INPP5A: variants seen among roughly 807,000 people sequenced by gnomAD.
INPP5A encodes the protein inositol polyphosphate-5-phosphatase A, also known as 43 kDa inositol polyphosphate 5-phophatase.
In INPP5A, 14 loss-of-function variants were observed where a neutral mutation model predicts 65.2. That is an observed-to-expected ratio of 0.21 (90% CI 0.14 to 0.34). INPP5A has a LOEUF of 0.34. INPP5A is among the 10% of genes least tolerant of loss of function. INPP5A has a pLI of 1.00. For synonymous variants in INPP5A, 207 were observed against 208.3 expected (o/e 0.99, Z 0.05); for missense variants, 431 against 545.6 (o/e 0.79, Z 2.09).
intron 1 of INPP5A, among the ~76,000 whole-genome samples, chr10:132,593,279 CG>C (rs2071642435): frequency 6.6e-6 from 1 of 152,118 alleles, no homozygotes; most frequent in South Asian, 2.1e-4. Context: ...GCACTGAGGA[CG>C]GGGATTACAC....
chr10:132,608,091 T>G, intron 2 of INPP5A, 135 bp downstream of exon 2: 1 of 772,166 alleles, frequency 1.3e-6, no homozygotes, highest in South Asian at 1.5e-5. Context: ...GTCTCTCGGC[T>G]CCGCTGCCTG....
At chr10:132,572,600 C>A (rs945916123) in intron 1 of INPP5A, among the ~76,000 whole-genome samples, 1 of 152,146 alleles carries the variant, frequency 6.6e-6, no homozygotes, top group Non-Finnish European at 1.5e-5. Flanking sequence ...TGCTCTTTTT[C>A]ATGTGTCTAG....
Position 132,547,369 on chromosome 10 carries a change from C to T in INPP5A, c.75+9198C>T, listed in dbSNP as rs779488030. Among the ~76,000 whole-genome samples, 9 of 152,192 alleles carry T rather than the reference C, an allele frequency of 5.9e-5. No individual in the cohort carries two copies. The highest frequency in any genetic ancestry group is 4.1e-4 in the South Asian group (2 of 4,824). ...TCCTCTTCCTGGCGTCAGGTGTTCT[C>T]GGCGGCCTCTCGGTAACAGCCTGGC... On this transcript the variant is annotated intron_variant, in intron 1 of 15. Transcript: ENST00000368594. This position sits in a 1 kb window ranked among gnomAD's most constrained non-coding sequence, Gnocchi z 5.5.
intron 12 of INPP5A, among the ~76,000 whole-genome samples, 193 bp downstream of exon 12, chr10:132,766,039 T>A (rs1846836455): frequency 6.6e-6 from 1 of 152,216 alleles, no homozygotes; most frequent in Admixed American, 6.5e-5. Context: ...TGTGCACAGG[T>A]GCGTCTGTGT....
intron 4 of INPP5A, among the ~76,000 whole-genome samples, chr10:132,652,463 C>G (rs1168967818): frequency 6.6e-6 from 1 of 152,238 alleles, no homozygotes; most frequent in African/African-American, 2.4e-5. Flanking sequence ...GATCCAAATA[C>G]TGCAACAAGC....
intron 4 of INPP5A, among the ~76,000 whole-genome samples, chr10:132,655,627 A>G (rs1168588143): frequency 6.6e-6 from 1 of 152,184 alleles, no homozygotes; most frequent in Non-Finnish European, 1.5e-5. Context: ...ATTTTCGTTT[A>G]ACGTCACCCG....
intron 11 of INPP5A, among the ~76,000 whole-genome samples, chr10:132,751,508 CTG>C (rs1250245286): frequency 9.2e-5 from 14 of 152,270 alleles, no homozygotes; most frequent in African/African-American, 3.4e-4. Context: ...CTGCGGGACT[CTG>C]GGCTCCAGGA....
chr10:132,776,867 T>C (rs1212369916), intron 12 of INPP5A, among the ~76,000 whole-genome samples: 1 of 151,812 alleles, frequency 6.6e-6, no homozygotes, highest in East Asian at 1.9e-4. Flanking sequence ...GGGGGAGTGA[T>C]CAGTCCGTGT....
chr10:132,690,545 G>A (rs550397523), intron 5 of INPP5A, 90 bp downstream of exon 5: 35 of 948,116 alleles, frequency 3.7e-5, no homozygotes, highest in Non-Finnish European at 5.1e-5. Context: ...CCCTGTCTCT[G>A]TGAGTGGCCA....
chr10:132,652,690 A>G (rs2072593119), intron 4 of INPP5A, among the ~76,000 whole-genome samples: 1 of 152,200 alleles, frequency 6.6e-6, no homozygotes, highest in South Asian at 2.1e-4. Context: ...TCCTTTAGAT[A>G]TAAAGACACA....
rs567269939 is a variant in INPP5A, at chr10:132,781,203, TA to T, written c.1158+293del. Among the ~76,000 whole-genome samples, 16 of 152,304 alleles carry T rather than the reference TA, an allele frequency of 1.1e-4. 1 individual carries two copies. Among genetic ancestry groups the T allele is most frequent in the Admixed American group, 6.5e-4 (10 of 15,308 alleles). On this transcript the variant is annotated intron_variant, in intron 14 of 15. Transcript: ENST00000368594. ...AATAAAATACATAATTTAATATTTG[TA>T]AAAAAATGTCCACAGCTGATTGTTT...
In INPP5A at chr10:132,708,438, T is replaced by G. The variant is rs776073791; in HGVS notation, c.527+73T>G. 9 of 1,403,306 alleles carry G rather than the reference T, an allele frequency of 6.4e-6. No homozygotes were observed. The African/African-American group carries it at 1.3e-4, about 20-fold the overall frequency. The allele number at this position is 1,403,306 out of a possible 1,614,324, so 86.9% of individuals were successfully genotyped here. On this transcript the variant is annotated intron_variant, in intron 7 of 15. Coordinates refer to ENST00000368594, the MANE Select transcript of INPP5A (RefSeq NM_005539.5). The stretch of plus-strand genomic sequence containing the variant: ...TTTATATCTTGCACCAGCGGCATGT[T>G]CCACACACCTCATTGGAGGCTCTAC...
intron 9 of INPP5A, among the ~76,000 whole-genome samples, chr10:132,728,560 T>C (rs1846027484): frequency 1.3e-5 from 2 of 152,128 alleles, no homozygotes; most frequent in African/African-American, 4.8e-5. Flanking sequence ...CATCTCTGAG[T>C]GAGCTCATTT....
chr10:132,683,305 C>G (rs1224865696), intron 4 of INPP5A, among the ~76,000 whole-genome samples: 1 of 149,494 alleles, frequency 6.7e-6, no homozygotes, highest in Non-Finnish European at 1.5e-5. Flanking sequence ...GTGTGTTATC[C>G]TATGTGGAGG....
chr10:132,718,909 C>T (rs564285503), intron 8 of INPP5A, among the ~76,000 whole-genome samples: 5 of 149,002 alleles, frequency 3.4e-5, no homozygotes, highest in East Asian at 2.0e-4. Flanking sequence ...ACGCCTTAGA[C>T]GGCTGTCTTG....
At chr10:132,739,205 C>T (rs1182681993) in intron 9 of INPP5A, among the ~76,000 whole-genome samples, 1 of 152,258 alleles carries the variant, frequency 6.6e-6, no homozygotes, top group African/African-American at 2.4e-5. Flanking sequence ...GAAATTGGCA[C>T]CATGGCACAC....
chr10:132,751,615 C>CAGGTGCCCAGG (rs1021193009), intron 11 of INPP5A, among the ~76,000 whole-genome samples: 1 of 150,170 alleles, frequency 6.7e-6, no homozygotes, highest in African/African-American at 2.5e-5. Context: ...TGGGTGGAGG[C>CAGGTGCCCAGG]AGGTGCCCAG....
intron 1 of INPP5A, among the ~76,000 whole-genome samples, chr10:132,560,022 T>C (rs757286908): frequency 2.0e-5 from 3 of 151,964 alleles, no homozygotes; most frequent in Non-Finnish European, 4.4e-5. Context: ...TAGACCTGCT[T>C]GTGGAGTTGC....
intron 4 of INPP5A, among the ~76,000 whole-genome samples, chr10:132,686,480 G>T (rs944128926): frequency 6.6e-6 from 1 of 152,216 alleles, no homozygotes; most frequent in Admixed American, 6.5e-5. Context: ...ACTTCCTGTC[G>T]GCAGGCCCCG....
Sources: allele counts gnomAD v4.1 joint callset (sites outside exome capture counted in the v4.1 genomes callset), GRCh38; gene constraint gnomAD v4.1.1; non-coding constraint Gnocchi (gnomAD v3.1); transcripts MANE v1.5; gene names NCBI Gene and HGNC (gene_info 2026-07-23, HGNC 2026-07-21).